SCN11A: variants seen among roughly 807,000 people sequenced by gnomAD.
The protein encoded by SCN11A is sodium channel protein type 11 subunit alpha.
In SCN11A, 122 loss-of-function variants were observed where a neutral mutation model predicts 162.2. The ratio of observed to expected loss-of-function variants is 0.75; its 90% confidence interval spans 0.65 to 0.87. The LOEUF is 0.87. Among genes scored for constraint, SCN11A ranks in the 40% least tolerant of loss-of-function variants. The probability of loss-of-function intolerance (pLI) is 0.00; values close to 1 mark genes in which losing one functional copy is unlikely to be tolerated. For missense variants in SCN11A, 2,015 were observed against 2,181.6 expected (o/e 0.92, Z 1.52); for synonymous variants, 758 against 751.5 (o/e 1.01, Z -0.14).
rs542456341 is a variant in SCN11A at position 38,881,986 on chromosome 3, T to C, written c.3219+1247A>G. Among the ~76,000 whole-genome samples, 219 of 152,230 alleles carry C rather than the reference T, an allele frequency of 1.4e-3. 1 individual carries two copies. Among genetic ancestry groups the C allele is most frequent in the African/African-American group, 5.0e-3 (207 of 41,528 alleles). On this transcript the variant is annotated intron_variant, in intron 22 of 29. Coordinates refer to ENST00000302328, the MANE Select transcript of SCN11A (RefSeq NM_001349253.2). ...CCACTGCCTATATCATAAGTACCAT[T>C]TGTGGAATAAATACAAGAAACCCTA...
intron 7 of SCN11A, among the ~76,000 whole-genome samples, chr3:38,942,822 T>C (rs1444692070): frequency 6.6e-6 from 1 of 152,072 alleles, no homozygotes; most frequent in Non-Finnish European, 1.5e-5. Flanking sequence ...TCAAAGCAAA[T>C]TGAATGAAAA....
At chr3:38,871,745 G>T in intron 24 of SCN11A, 37 bp from the exon 25 acceptor site, 1 of 1,537,438 alleles carries the variant, frequency 6.5e-7, no homozygotes, top group South Asian at 1.3e-5. Flanking sequence ...CATAACAGAT[G>T]GGTAGGATGC....
Position 38,974,874 on chromosome 3 carries a change from T to C in SCN11A, c.-279-14451A>G, listed in dbSNP as rs77701371. ...CAATCTTTGAATCTAAAAAGCTCAA[T>C]AAATCCAAAGTGAAATAATTTTTAA... On this transcript the variant is annotated intron_variant, in intron 2 of 29. Transcript: ENST00000302328. Among the ~76,000 whole-genome samples the C allele has an allele frequency of 7.8e-3, 1,183 of 151,406 alleles. 10 individuals are homozygous for C. Among genetic ancestry groups the C allele is most frequent in the African/African-American group, 0.027 (1,101 of 41,244 alleles).
At chr3:39,024,118 A>G (rs1383039656) in intron 2 of SCN11A, among the ~76,000 whole-genome samples, 1 of 152,258 alleles carries the variant, frequency 6.6e-6, no homozygotes, top group African/African-American at 2.4e-5. Flanking sequence ...GGTTAACAAG[A>G]GAAGAACATA....
At chr3:39,014,708 G>T (rs944227460) in intron 2 of SCN11A, among the ~76,000 whole-genome samples, 2 of 152,148 alleles carry the variant, frequency 1.3e-5, no homozygotes, top group African/African-American at 2.4e-5. Flanking sequence ...TACCTTGGGG[G>T]TGAATAGGAA....
chr3:38,916,372 G>C (rs2065961001), intron 11 of SCN11A, among the ~76,000 whole-genome samples: 4 of 152,156 alleles, frequency 2.6e-5, no homozygotes, highest in Admixed American at 2.6e-4. Flanking sequence ...CATCCATCCA[G>C]CTTTCTTCAT....
chr3:38,881,710 A>G (rs1432355136), intron 22 of SCN11A, among the ~76,000 whole-genome samples: 1 of 144,124 alleles, frequency 6.9e-6, no homozygotes, highest in East Asian at 2.0e-4. Context: ...AGACACATAT[A>G]GTGGCAAACA....
At position 38,867,450 on chromosome 3, in the gene SCN11A, TTGTTCTTTC is replaced by T. The variant is rs2065059290; in HGVS notation, c.3814-1_3821del. ...GTGAATTGCTCTCAAACTCTGGCTG[TTGTTCTTTC>T]TGTTAGAAATTTTTTTAATAAGAGA... On this transcript the variant is annotated splice_acceptor_variant and coding_sequence_variant, in exon 27 of 30. Coordinates refer to ENST00000302328, the MANE Select transcript of SCN11A (RefSeq NM_001349253.2). LOFTEE classifies it high-confidence loss of function. 6.3e-7 allele frequency: 1 copy of T among 1,592,654 alleles called. No individual in the cohort carries two copies. The highest frequency in any genetic ancestry group is 8.5e-7 in the Non-Finnish European group (1 of 1,174,250).
intron 3 of SCN11A, among the ~76,000 whole-genome samples, chr3:38,954,117 G>T (rs1207494247): frequency 1.3e-5 from 2 of 152,130 alleles, no homozygotes; most frequent in African/African-American, 4.8e-5. Context: ...ACTGAATGTA[G>T]GACTGTAGAT....
At chr3:39,015,880 ACACT>A in intron 2 of SCN11A, among the ~76,000 whole-genome samples, 1 of 152,034 alleles carries the variant, frequency 6.6e-6, no homozygotes, top group East Asian at 1.9e-4. Context: ...GGGATTACAG[ACACT>A]CACCACCATG....
chr3:38,908,015 G>A lies in SCN11A; in HGVS notation c.1407C>T (p.Phe469=). The A allele has an allele frequency of 6.2e-7, 1 of 1,613,570 alleles. No homozygotes were observed. Residue 469 remains phenylalanine (F), a synonymous_variant, in exon 14 of 30, where the codon TTC becomes TTT. Coordinates refer to ENST00000302328, the MANE Select transcript of SCN11A (RefSeq NM_001349253.2). ...KLFGNKKRKS[F]FLRESGKDQP... is the part of the protein sequence containing the mutation. ...GGTCTTTCCCAGACTCTCTCAAAAA[G>A]AAGGACTTCCTTTTCTTATTACCAA...
chr3:38,994,419 T>C (rs1451619628), intron 2 of SCN11A, among the ~76,000 whole-genome samples: 4 of 152,180 alleles, frequency 2.6e-5, no homozygotes, highest in African/African-American at 9.7e-5. Context: ...AGGGTACTTA[T>C]ATAAAACTGT....
intron 13 of SCN11A, 102 bp from the exon 14 acceptor site, chr3:38,908,224 C>T: frequency 1.0e-6 from 1 of 973,784 alleles, no homozygotes; most frequent in Non-Finnish European, 1.6e-6. Context: ...CTTCTGGTAG[C>T]TCTGTATCAT....
intron 26 of SCN11A, 55 bp downstream of exon 26, chr3:38,870,636 A>G: frequency 1.4e-6 from 2 of 1,470,070 alleles, no homozygotes; most frequent in South Asian, 2.3e-5. Flanking sequence ...CCATGTAGTC[A>G]TGATATCTCT....
At chr3:38,955,050 A>G (rs1323532503) in intron 3 of SCN11A, among the ~76,000 whole-genome samples, 1 of 152,172 alleles carries the variant, frequency 6.6e-6, no homozygotes, top group Non-Finnish European at 1.5e-5. Context: ...ACCCACTGGG[A>G]GGCCAAGGCA....
At chr3:38,975,111 T>G (rs2066841072) in intron 2 of SCN11A, among the ~76,000 whole-genome samples, 1 of 151,994 alleles carries the variant, frequency 6.6e-6, no homozygotes, top group Non-Finnish European at 1.5e-5. Context: ...AACTTAAACT[T>G]GTATGCTGAT....
intron 2 of SCN11A, among the ~76,000 whole-genome samples, chr3:39,002,185 C>A (rs140398780): frequency 6.6e-6 from 1 of 152,156 alleles, no homozygotes. Context: ...TATGCCAGTA[C>A]CAAACTGTTT....
chr3:38,874,911 CT>C (rs1559500242), intron 23 of SCN11A, among the ~76,000 whole-genome samples: 1 of 152,052 alleles, frequency 6.6e-6, no homozygotes, highest in South Asian at 2.1e-4. Context: ...AATTGTGTAT[CT>C]TTTTGTGGTT....
chr3:39,010,151 AAAG>A (rs1174441657), intron 2 of SCN11A, among the ~76,000 whole-genome samples: 1 of 152,092 alleles, frequency 6.6e-6, no homozygotes, highest in Non-Finnish European at 1.5e-5. Context: ...CTAATTCTAA[AAAG>A]AAGGTTTTAA....
Sources: allele counts gnomAD v4.1 joint callset (sites outside exome capture counted in the v4.1 genomes callset), GRCh38; gene constraint gnomAD v4.1.1; transcripts MANE v1.5; gene names NCBI Gene and HGNC (gene_info 2026-07-23, HGNC 2026-07-21).